The following RBFOX2 variants were observed in gnomAD, a reference collection of about 807,000 sequenced individuals.
RBFOX2 encodes RNA binding fox-1 homolog 2.
In RBFOX2, 10 loss-of-function variants were observed where a neutral mutation model predicts 49.1. That is an observed-to-expected ratio of 0.20 (90% CI 0.13 to 0.35). The LOEUF (loss-of-function observed/expected upper bound fraction) is 0.35. Ranked by LOEUF, RBFOX2 falls within the 10% of genes least tolerant of loss-of-function variation. The probability of loss-of-function intolerance (pLI) is 1.00; values close to 1 mark genes in which losing one functional copy is unlikely to be tolerated. For missense variants in RBFOX2, 323 were observed against 486.9 expected, an observed-to-expected ratio of 0.66 and a Z score of 3.17; for synonymous variants, 183 against 187.4, an observed-to-expected ratio of 0.98 and a Z score of 0.19.
At position 35,899,178 on chromosome 22, in the gene RBFOX2, A is replaced by ATAACAT. The variant is rs1556357853; in HGVS notation, c.-34+39668_-34+39669insATGTTA. Among the ~76,000 whole-genome samples the ATAACAT allele has an allele frequency of 1.7e-3, 221 of 133,488 alleles. 3 individuals are homozygous for ATAACAT. The highest frequency in any genetic ancestry group is 2.9e-3 in the African/African-American group (105 of 36,102). The allele number at this position is 133,488 out of a possible 152,430, so 87.6% of individuals were successfully genotyped here. On this transcript the variant is annotated intron_variant, in intron 1 of 13. Transcript: ENST00000359369. The stretch of plus-strand genomic sequence containing the variant: ...ATAACATAACATAACATAACATAAC[A>ATAACAT]AACATAAAAAATAAAATAAAATAAA...
intron 2 of RBFOX2, among the ~76,000 whole-genome samples, chr22:35,787,348 C>A (rs531442513): frequency 1.3e-5 from 2 of 151,902 alleles, no homozygotes; most frequent in East Asian, 3.9e-4. Context: ...AGGTTCTATA[C>A]CTTGAGGAAA....
At chr22:35,897,365 T>C in intron 1 of RBFOX2, 1 of 1,199,016 alleles carries the variant, frequency 8.3e-7, no homozygotes, top group Non-Finnish European at 1.2e-6. Flanking sequence ...TGAGTTCCAG[T>C]GGTGTTGCCT....
intron 1 of RBFOX2, among the ~76,000 whole-genome samples, chr22:35,977,541 G>A (rs1272122567): frequency 6.6e-6 from 1 of 151,802 alleles, no homozygotes; most frequent in Non-Finnish European, 1.5e-5. Flanking sequence ...GATGCCAGTG[G>A]CTGCGGATGC....
intron 1 of RBFOX2, among the ~76,000 whole-genome samples, chr22:35,846,665 G>C (rs2041261076): frequency 6.6e-6 from 1 of 152,070 alleles, no homozygotes; most frequent in African/African-American, 2.4e-5. Context: ...TGAGGCAGGA[G>C]AACTGCTTGA....
intron 2 of RBFOX2, among the ~76,000 whole-genome samples, chr22:35,808,615 T>C (rs1208030150): frequency 6.6e-6 from 1 of 151,972 alleles, no homozygotes; most frequent in Non-Finnish European, 1.5e-5. Flanking sequence ...TGGGAGACCA[T>C]GGTAGGAGGA....
At chr22:36,020,514 A>G (rs1333862343) in intron 1 of RBFOX2, among the ~76,000 whole-genome samples, 1 of 152,232 alleles carries the variant, frequency 6.6e-6, no homozygotes, top group Non-Finnish European at 1.5e-5. Context: ...CAAAGGGCTA[A>G]TATCCAGAAT....
At chr22:35,750,526 G>A in intron 9 of RBFOX2, 1 of 1,216,674 alleles carries the variant, frequency 8.2e-7, no homozygotes, top group Non-Finnish European at 1.2e-6. Context: ...AATGTAGGAG[G>A]GCACACACGG....
intron 5 of RBFOX2, 53 bp downstream of exon 6, chr22:35,768,203 GA>G: frequency 6.3e-7 from 1 of 1,577,692 alleles, no homozygotes. Context: ...GAGGCAACAC[GA>G]AAAAAGAGAA....
chr22:35,758,209 G>A (rs556948244), intron 9 of RBFOX2, among the ~76,000 whole-genome samples: 1 of 152,282 alleles, frequency 6.6e-6, no homozygotes, highest in African/African-American at 2.4e-5. Flanking sequence ...TCAATGTAAT[G>A]CACAGAAATT....
At chr22:35,805,701 C>T (rs1263741596) in intron 2 of RBFOX2, among the ~76,000 whole-genome samples, 2 of 152,172 alleles carry the variant, frequency 1.3e-5, no homozygotes, top group Non-Finnish European at 2.9e-5. Context: ...TTATTCATAA[C>T]TGCCAAAATC....
chr22:35,825,860 A>C (rs931155220), intron 1 of RBFOX2, among the ~76,000 whole-genome samples: 29 of 151,840 alleles, frequency 1.9e-4, no homozygotes, highest in African/African-American at 6.8e-4. Flanking sequence ...AGGTGCCCGT[A>C]ATCCCAGCTA....
At chr22:35,843,203 G>A (rs2040731049), upstream of RBFOX2, among the ~76,000 whole-genome samples, 1 of 152,142 alleles carries the variant, frequency 6.6e-6, no homozygotes, top group South Asian at 2.1e-4. Flanking sequence ...ATGTACCAAG[G>A]AGAAAATCAT....
At chr22:35,889,187 C>A (rs1161571521) in intron 1 of RBFOX2, among the ~76,000 whole-genome samples, 1 of 151,992 alleles carries the variant, frequency 6.6e-6, no homozygotes, top group Non-Finnish European at 1.5e-5. Context: ...AAAATTCATT[C>A]TTCTCCAGGC....
At chr22:35,908,198 G>A (rs1179507001) in intron 1 of RBFOX2, among the ~76,000 whole-genome samples, 1 of 152,168 alleles carries the variant, frequency 6.6e-6, no homozygotes, top group African/African-American at 2.4e-5. Context: ...GATACACTCA[G>A]TTTCTTCACC....
chr22:35,984,920 A>T (rs2057633997), intron 1 of RBFOX2, among the ~76,000 whole-genome samples: 1 of 152,182 alleles, frequency 6.6e-6, no homozygotes, highest in Non-Finnish European at 1.5e-5. Flanking sequence ...GTGACAGGCA[A>T]TGGAGATACA....
At chr22:35,764,542 G>A (rs909483130) in intron 6 of RBFOX2, among the ~76,000 whole-genome samples, 4 of 144,714 alleles carry the variant, frequency 2.8e-5, no homozygotes, top group Admixed American at 7.1e-5. Context: ...CCTTGATTGC[G>A]CCAGTGCACT....
intron 1 of RBFOX2, among the ~76,000 whole-genome samples, chr22:35,822,618 CAGAGA>C (rs1417534009): frequency 1.3e-5 from 2 of 152,152 alleles, no homozygotes; most frequent in Non-Finnish European, 2.9e-5. Flanking sequence ...CAGTATAAGA[CAGAGA>C]AGAGCATGTC....
chr22:35,890,313 C>T (rs561777619), intron 1 of RBFOX2, among the ~76,000 whole-genome samples: 31 of 152,210 alleles, frequency 2.0e-4, no homozygotes, highest in Middle Eastern at 6.8e-3. Context: ...GAAATATATT[C>T]CAAGACCCCC....
chr22:35,814,356 T>C (rs1358111006), intron 1 of RBFOX2, among the ~76,000 whole-genome samples: 3 of 152,176 alleles, frequency 2.0e-5, no homozygotes, highest in African/African-American at 7.2e-5. Context: ...CTATATTACT[T>C]ATAATACCTA....
Sources: gnomAD v4.1 joint callset for allele counts (sites outside exome capture counted in the v4.1 genomes callset) on GRCh38, gnomAD v4.1.1 for gene constraint, MANE v1.5 for transcripts, NCBI Gene and HGNC (gene_info 2026-07-23, HGNC 2026-07-21) for gene names.